The following ZHX3 variants were observed in gnomAD, a reference collection of about 807,000 sequenced individuals.
ZHX3 encodes the protein zinc fingers and homeoboxes 3.
ZHX3 carries 20 observed loss-of-function variants against 64.5 expected under a neutral mutation model. The observed-to-expected ratio is 0.31, with a 90% CI of 0.22 to 0.45. ZHX3 has a LOEUF of 0.45. ZHX3 is among the 20% of genes least tolerant of loss of function. The probability of loss-of-function intolerance (pLI) is 1.00; values close to 1 mark genes in which losing one functional copy is unlikely to be tolerated. For missense variants in ZHX3, 1,041 were observed against 1,195.8 expected (o/e 0.87, Z 1.91); for synonymous variants, 423 against 461.6 (o/e 0.92, Z 1.07).
Position 41,210,681 on chromosome 20 carries a change from ACAC to A in ZHX3, c.-150-5618_-150-5616del, listed in dbSNP as rs556266387. 4.5e-3 allele frequency among the ~76,000 whole-genome samples: 680 copies of A among 152,240 alleles called. 2 individuals carry two copies. The highest frequency in any genetic ancestry group is 5.8e-3 in the Non-Finnish European group (394 of 68,012). ...TTGGACACAGGGTGGGGAACATCACACACCACGGCCTGTCGTGGGGTGGGGAGA... is the reference window on the plus strand; with the variant it reads ...TTGGACACAGGGTGGGGAACATCACACACGGCCTGTCGTGGGGTGGGGAGA... On this transcript the variant is annotated intron_variant, in intron 2 of 3. Coordinates refer to ENST00000683867, the MANE Select transcript of ZHX3 (RefSeq NM_001384317.1).
intron 3 of ZHX3, among the ~76,000 whole-genome samples, chr20:41,193,100 T>G (rs2037181026): frequency 6.6e-6 from 1 of 152,192 alleles, no homozygotes; most frequent in Admixed American, 6.5e-5. Flanking sequence ...CAAAGTGTGA[T>G]TATCTACTCT....
At chr20:41,252,053 T>C (rs1460644068) in intron 2 of ZHX3, among the ~76,000 whole-genome samples, 1 of 152,242 alleles carries the variant, frequency 6.6e-6, no homozygotes, top group African/African-American at 2.4e-5. Flanking sequence ...GATAACTGTA[T>C]TGCTGCCTAG....
rs748833532 is a variant in ZHX3 at position 41,277,971 on chromosome 20, A to G, written c.-244-8888T>C. 4.7e-5 allele frequency among the ~76,000 whole-genome samples: 4 copies of G among 84,670 alleles called. 1 individual carries two copies. The highest frequency in any genetic ancestry group is 7.8e-5 in the Non-Finnish European group (4 of 51,010). The allele number at this position is 84,670 out of a possible 152,430, so 55.5% of individuals were successfully genotyped here. ...GATGGAAAGATTAATTTAAGTGTGG[A>G]AAAAAAACTCCCCTGATTACAAGAG... On this transcript the variant is annotated intron_variant, in intron 1 of 3. Transcript: ENST00000683867.
At chr20:41,313,688 C>T (rs749676437) in intron 1 of ZHX3, among the ~76,000 whole-genome samples, 1 of 149,136 alleles carries the variant, frequency 6.7e-6, no homozygotes, top group Non-Finnish European at 1.5e-5. Flanking sequence ...GGCTCCGCCT[C>T]CTGGGTTCAC....
rs190389981 is a variant in ZHX3 at position 41,193,346 on chromosome 20, T to C, written c.2861-8145A>G. ...AATGTTTTTCAGCAACATTTTGTTG[T>C]TTTCAAGATACACTTCTTTGGCCTC... On this transcript the variant is annotated intron_variant, in intron 3 of 3. Transcript: ENST00000683867. Among the ~76,000 whole-genome samples the C allele has an allele frequency of 2.2e-4, 34 of 152,342 alleles. 1 individual carries two copies. The East Asian group carries it at 6.5e-3, about 29-fold the overall frequency.
At chr20:41,284,695 T>C (rs1290858510) in intron 1 of ZHX3, among the ~76,000 whole-genome samples, 1 of 152,228 alleles carries the variant, frequency 6.6e-6, no homozygotes, top group African/African-American at 2.4e-5. Context: ...AAAAATCTGA[T>C]TGATTGCTCT....
intron 2 of ZHX3, among the ~76,000 whole-genome samples, chr20:41,247,268 A>AC (rs1476042370): frequency 6.6e-6 from 1 of 152,166 alleles, no homozygotes; most frequent in East Asian, 1.9e-4. Flanking sequence ...AACCTGTTTC[A>AC]AAAAAGAAAG....
chr20:41,216,402 T>C (rs545722914), intron 2 of ZHX3, among the ~76,000 whole-genome samples: 103 of 152,360 alleles, frequency 6.8e-4, no homozygotes, highest in African/African-American at 2.4e-3. Flanking sequence ...GCAGTATATA[T>C]GATTTCAGGC....
At chr20:41,254,166 G>C (rs1480016935) in intron 2 of ZHX3, among the ~76,000 whole-genome samples, 1 of 152,074 alleles carries the variant, frequency 6.6e-6, no homozygotes, top group South Asian at 2.1e-4. Flanking sequence ...AATGCCATGA[G>C]GGGGACACTG....
chr20:41,307,202 A>C (rs2045005680), intron 1 of ZHX3, among the ~76,000 whole-genome samples: 1 of 152,210 alleles, frequency 6.6e-6, no homozygotes, highest in Admixed American at 6.5e-5. Context: ...ACCTAGAGCA[A>C]GGCAGAATGA....
At chr20:41,242,525 A>G (rs1040737816) in intron 2 of ZHX3, among the ~76,000 whole-genome samples, 7 of 152,240 alleles carry the variant, frequency 4.6e-5, no homozygotes, top group African/African-American at 1.7e-4. Context: ...AGCCACATAC[A>G]CAGCTGTTAG....
chr20:41,269,956 A>G (rs1167252642), intron 1 of ZHX3, among the ~76,000 whole-genome samples: 1 of 152,054 alleles, frequency 6.6e-6, no homozygotes, highest in African/African-American at 2.4e-5. Flanking sequence ...TAACATACAC[A>G]TATCTAGCTT....
chr20:41,240,876 T>C (rs917277904), intron 2 of ZHX3, among the ~76,000 whole-genome samples: 5 of 152,250 alleles, frequency 3.3e-5, no homozygotes, highest in Non-Finnish European at 2.9e-5. Flanking sequence ...AGTACTTCAT[T>C]GTGTATATGT....
intron 3 of ZHX3, among the ~76,000 whole-genome samples, chr20:41,193,947 G>A (rs1199180199): frequency 1.3e-5 from 2 of 152,102 alleles, no homozygotes; most frequent in African/African-American, 4.8e-5. Flanking sequence ...TGATCCACCT[G>A]CCTTGGCCTC....
Position 41,228,311 on chromosome 20 carries a change from G to T in ZHX3, c.-150-23245C>A, listed in dbSNP as rs962907547. ...TAAATTTCTGGCTCCGTTGACCCTG[G>T]CACTCACCCTTCCAAAAAACGAAAC... On this transcript the variant is annotated intron_variant, in intron 2 of 3. Coordinates refer to ENST00000683867, the MANE Select transcript of ZHX3 (RefSeq NM_001384317.1). This position sits in a 1 kb window ranked among gnomAD's most constrained non-coding sequence, Gnocchi z 4.6. Among the ~76,000 whole-genome samples, 1 of 152,024 alleles carries T rather than the reference G, an allele frequency of 6.6e-6. No individual in the cohort carries two copies. The highest frequency in any genetic ancestry group is 2.1e-4 in the South Asian group (1 of 4,818).
At chr20:41,302,977 C>A (rs944003131) in intron 1 of ZHX3, among the ~76,000 whole-genome samples, 6 of 152,206 alleles carry the variant, frequency 3.9e-5, no homozygotes, top group Non-Finnish European at 5.9e-5. Context: ...TGAAGAAAGC[C>A]TGGAGCTAGG....
At chr20:41,215,770 T>TAA (rs55922605) in intron 2 of ZHX3, among the ~76,000 whole-genome samples, 4,135 of 101,046 alleles carry the variant, frequency 0.041, 118 homozygotes, top group African/African-American at 0.067. Context: ...ACGTCTCTAC[T>TAA]AAAAAAAAAA....
chr20:41,196,812 T>G (rs1415474578), intron 3 of ZHX3: 2 of 164,002 alleles, frequency 1.2e-5, no homozygotes, highest in Non-Finnish European at 2.6e-5. Context: ...GATTCACACA[T>G]CACCCACCTT....
chr20:41,191,311 G>A (rs1414196301), intron 3 of ZHX3, among the ~76,000 whole-genome samples: 4 of 151,748 alleles, frequency 2.6e-5, no homozygotes, highest in Admixed American at 2.6e-4. Flanking sequence ...ATATATTGTT[G>A]AAGCTTTCAA....
Sources: gnomAD v4.1 joint callset for allele counts (sites outside exome capture counted in the v4.1 genomes callset) on GRCh38, gnomAD v4.1.1 for gene constraint, Gnocchi (gnomAD v3.1) non-coding constraint, MANE v1.5 for transcripts, NCBI Gene and HGNC (gene_info 2026-07-23, HGNC 2026-07-21) for gene names.